Variants in OSBPL5 observed in about 807,000 individuals in gnomAD.
OSBPL5 encodes oxysterol-binding protein-related protein 5.
OSBPL5 carries 71 observed loss-of-function variants against 111.2 expected under a neutral mutation model. That is an observed-to-expected ratio of 0.64 (90% CI 0.53 to 0.78). OSBPL5 has a LOEUF of 0.78. Among genes scored for constraint, OSBPL5 ranks in the 30% least tolerant of loss-of-function variants. The probability of loss-of-function intolerance (pLI) is 0.00; values close to 1 mark genes in which losing one functional copy is unlikely to be tolerated. For missense variants in OSBPL5, 1,210 were observed against 1,189.3 expected (o/e 1.02, Z -0.26); for synonymous variants, 549 against 513.9 (o/e 1.07, Z -0.93).
In OSBPL5 at chr11:3,153,046, C is replaced by T. The variant is rs543253540; in HGVS notation, c.-22+12170G>A. On this transcript the variant is annotated intron_variant, in intron 1 of 21. Transcript: ENST00000263650. Reference sequence around the variant, plus strand: ...AGGAGGAGTCTGGGGCCATTGAGTACAGGGAGAAACAGCCCACAGAGTGCA... The same window carrying T: ...AGGAGGAGTCTGGGGCCATTGAGTATAGGGAGAAACAGCCCACAGAGTGCA... 1.4e-3 allele frequency among the ~76,000 whole-genome samples: 219 copies of T among 152,030 alleles called. 2 individuals carry two copies. Among genetic ancestry groups the T allele is most frequent in the Non-Finnish European group, 2.6e-3 (176 of 68,008 alleles).
chr11:3,091,712 G>A (rs901900718), intron 19 of OSBPL5, among the ~76,000 whole-genome samples: 6 of 152,172 alleles, frequency 3.9e-5, no homozygotes, highest in Admixed American at 6.5e-5. Context: ...GGCAGGCAGA[G>A]CATGGGACAT....
At chr11:3,144,245 G>A (rs1486026031) in intron 1 of OSBPL5, among the ~76,000 whole-genome samples, 1 of 152,188 alleles carries the variant, frequency 6.6e-6, no homozygotes, top group African/African-American at 2.4e-5. Context: ...ACACTCTGGG[G>A]GATACAATGA....
rs1393877666 is a variant in OSBPL5 at position 3,109,631 on chromosome 11, G to T, written c.692-1686C>A. Among the ~76,000 whole-genome samples the T allele has an allele frequency of 6.6e-6, 1 of 152,072 alleles. No homozygotes were observed. The highest frequency in any genetic ancestry group is 1.5e-5 in the Non-Finnish European group (1 of 68,012). On this transcript the variant is annotated intron_variant, in intron 7 of 21. Coordinates refer to ENST00000263650, the MANE Select transcript of OSBPL5 (RefSeq NM_020896.4). The surrounding 1 kb of genome is among the most constrained non-coding windows in gnomAD (Gnocchi z 7.4). ...CTAGAGCTGCCCTTCTCATTGGGTT[G>T]GGGGGATATCTGGGATCCTGCTGGT...
At chr11:3,138,071 G>A (rs949047655) in intron 1 of OSBPL5, among the ~76,000 whole-genome samples, 7 of 152,346 alleles carry the variant, frequency 4.6e-5, no homozygotes, top group Admixed American at 2.0e-4. Flanking sequence ...CCATGCCTGC[G>A]TGTTCTCCGG....
intron 3 of OSBPL5, among the ~76,000 whole-genome samples, chr11:3,125,654 A>C (rs1369337274): frequency 5.9e-5 from 9 of 152,264 alleles, no homozygotes; most frequent in South Asian, 2.1e-4. Context: ...AATACAAAAA[A>C]ATTGGCCGGG....
chr11:3,102,240 GA>G lies in OSBPL5; in HGVS notation c.1367del (p.Phe456SerfsTer17). On this transcript the variant is annotated frameshift_variant, in exon 12 of 22. Transcript: ENST00000263650. LOFTEE classifies it high-confidence loss of function. Reference protein sequence around the residue: ...KPYNPILGETFRCCWFHPQTD... With the variant: ...KPYNPILGETXRCCWFHPQTD... ...TCTGCGGGTGGAACCAGCAGCAGCG[GA>G]AGGTCTCCCCCAGGATGGGGTTGTA... The G allele has an allele frequency of 6.2e-7, 1 of 1,609,082 alleles. No individual in the cohort carries two copies. Among genetic ancestry groups the G allele is most frequent in the Non-Finnish European group, 8.5e-7 (1 of 1,178,192 alleles).
rs1434599550 is a variant in OSBPL5 at position 3,106,929 on chromosome 11, G to A, written c.1059+334C>T. 6.6e-6 allele frequency among the ~76,000 whole-genome samples: 1 copy of A among 152,168 alleles called. No individual in the cohort carries two copies. Among genetic ancestry groups the A allele is most frequent in the Non-Finnish European group, 1.5e-5 (1 of 68,022 alleles). On this transcript the variant is annotated intron_variant, in intron 9 of 21. Coordinates refer to ENST00000263650, the MANE Select transcript of OSBPL5 (RefSeq NM_020896.4). This position sits in a 1 kb window ranked among gnomAD's most constrained non-coding sequence, Gnocchi z 8.4. Reference sequence around the variant, plus strand: ...CTCCTCCAGGAAGTGGGGCCGCCCAGCAGATGGGGTCAAGGGCCCCTCTTG... The same window carrying A: ...CTCCTCCAGGAAGTGGGGCCGCCCAACAGATGGGGTCAAGGGCCCCTCTTG...
rs141820266 is a variant in OSBPL5, at chr11:3,121,641, T to C, written c.402+356A>G. 9.1e-4 allele frequency among the ~76,000 whole-genome samples: 138 copies of C among 152,300 alleles called. No individual in the cohort carries two copies. The highest frequency in any genetic ancestry group is 1.3e-3 in the Non-Finnish European group (89 of 68,036). On this transcript the variant is annotated intron_variant, in intron 5 of 21. Coordinates refer to ENST00000263650, the MANE Select transcript of OSBPL5 (RefSeq NM_020896.4). This position sits in a 1 kb window ranked among gnomAD's most constrained non-coding sequence, Gnocchi z 4.3. ...GGTCTGAACACAGGACACCCGGCCC[T>C]GATGTGGGGTCCTCTCCCAGAAGCC...
rs1846358562 is a variant in OSBPL5 at position 3,146,646 on chromosome 11, G to A, written c.-21-17477C>T. ...CCTTCTGCAGAGCTGCTAAGCCGCT[G>A]GGCACACAGCTGTGCCTGAGTGCAG... On this transcript the variant is annotated intron_variant, in intron 1 of 21. Transcript: ENST00000263650. This position sits in a 1 kb window ranked among gnomAD's most constrained non-coding sequence, Gnocchi z 7.8. 1 of 152,206 alleles carries A rather than the reference G, an allele frequency of 6.6e-6. No individual in the cohort carries two copies. The highest frequency in any genetic ancestry group is 2.4e-5 in the African/African-American group (1 of 41,426). The allele number at this position is 152,206 out of a possible 1,614,324, so 9.4% of individuals were successfully genotyped here. A position where few individuals can be genotyped will look rare whatever the true frequency, so the allele number is the denominator to read the frequency against.
intron 10 of OSBPL5, among the ~76,000 whole-genome samples, 174 bp from the exon 11 acceptor site, chr11:3,103,494 G>A (rs1226491070): frequency 2.6e-5 from 4 of 152,220 alleles, no homozygotes; most frequent in African/African-American, 9.6e-5. Context: ...GGGGAAGTGG[G>A]TTCTTCTAAT....
chr11:3,103,377 C>T (rs1398803125), intron 10 of OSBPL5, 57 bp from the exon 11 acceptor site: 1 of 1,482,196 alleles, frequency 6.7e-7, no homozygotes, highest in Non-Finnish European at 9.2e-7. Context: ...GCCACCCTCC[C>T]TTTCCCTGAC....
Position 3,119,568 on chromosome 11 carries a change from TG to T in OSBPL5, c.669del (p.Phe223LeufsTer26). ...TQPLPSSYLI[F>X]RAASESDGRC... ...TCACCATCTGACTCGGAGGCGGCCC[TG>T]AAGATCAGGTAGCTGCTGGGCAGGG... is the stretch of plus-strand genomic sequence containing the variant. On this transcript the variant is annotated frameshift_variant, in exon 7 of 22. Coordinates refer to ENST00000263650, the MANE Select transcript of OSBPL5 (RefSeq NM_020896.4). LOFTEE classifies it high-confidence loss of function. 6.3e-7 allele frequency: 1 copy of T among 1,579,434 alleles called. No individual in the cohort carries two copies. The highest frequency in any genetic ancestry group is 1.2e-5 in the South Asian group (1 of 86,670).
intron 14 of OSBPL5, among the ~76,000 whole-genome samples, chr11:3,099,780 T>A (rs894443084): frequency 6.6e-6 from 1 of 152,012 alleles, no homozygotes; most frequent in East Asian, 1.9e-4. Flanking sequence ...TCAAAAGTCA[T>A]GGGCGAGGCT....
Position 3,119,520 on chromosome 11 carries a change from G to A in OSBPL5, c.691+27C>T, listed in dbSNP as rs746934121. On this transcript the variant is annotated intron_variant, in intron 7 of 21. Coordinates refer to ENST00000263650, the MANE Select transcript of OSBPL5 (RefSeq NM_020896.4). ...GCCCACTTCAGGTGGGGGCACTGGGGAGATGCGCAAGCTGGCAGGGACTCA... is the reference window on the plus strand; with the variant it reads ...GCCCACTTCAGGTGGGGGCACTGGGAAGATGCGCAAGCTGGCAGGGACTCA... 2.6e-5 allele frequency: 40 copies of A among 1,560,702 alleles called. No individual in the cohort carries two copies. The South Asian group carries it at 4.8e-4, about 19-fold the overall frequency.
chr11:3,107,859 C>G lies in OSBPL5; in HGVS notation c.778G>C (p.Glu260Gln). 1.2e-6 allele frequency: 2 copies of G among 1,610,210 alleles called. No homozygotes were observed. Among genetic ancestry groups the G allele is most frequent in the Non-Finnish European group, 1.7e-6 (2 of 1,179,948 alleles). ...LGTCKPGRDG[E>Q]PGTSPDASPS... ...GATGCGTCTGGCGAGGTCCCTGGCT[C>G]CCCGTCTCGGCCCGGCTTGCAGGTG... Residue 260 changes from glutamate (E) to glutamine (Q), a missense_variant, in exon 8 of 22, where the codon GAG (glutamate) becomes CAG (glutamine). By Grantham distance (29) the Glu-to-Gln change is conservative. Coordinates refer to ENST00000263650, the MANE Select transcript of OSBPL5 (RefSeq NM_020896.4). This position sits in a 1 kb window ranked among gnomAD's most constrained non-coding sequence, Gnocchi z 6.1.
At chr11:3,103,833 A>AGCCCCTTCCT (rs1857583286) in intron 10 of OSBPL5, among the ~76,000 whole-genome samples, 1 of 79,266 alleles carries the variant, frequency 1.3e-5, no homozygotes. Flanking sequence ...GCCCCCTTCC[A>AGCCCCTTCCT]GCCTCTGCAG....
rs1857722721 is a variant in OSBPL5 at position 3,107,091 on chromosome 11, G to T, written c.1059+172C>A. On this transcript the variant is annotated intron_variant, in intron 9 of 21. Coordinates refer to ENST00000263650, the MANE Select transcript of OSBPL5 (RefSeq NM_020896.4). This position sits in a 1 kb window ranked among gnomAD's most constrained non-coding sequence, Gnocchi z 6.1. Reference sequence around the variant, plus strand: ...GGGCAGCCTCTTTGGAAGACGGGAGGAGCCTGTTTACCTAAAAGACAGCTC... The same window carrying T: ...GGGCAGCCTCTTTGGAAGACGGGAGTAGCCTGTTTACCTAAAAGACAGCTC... Among the ~76,000 whole-genome samples the T allele has an allele frequency of 2.0e-5, 3 of 152,196 alleles. No individual in the cohort carries two copies. Among genetic ancestry groups the T allele is most frequent in the Admixed American group, 2.0e-4 (3 of 15,282 alleles).
intron 1 of OSBPL5, among the ~76,000 whole-genome samples, chr11:3,147,822 C>T (rs868000832): frequency 6.6e-6 from 1 of 152,178 alleles, no homozygotes; most frequent in African/African-American, 2.4e-5. Context: ...GGACCAGCCT[C>T]GGCAAGTGGG....
chr11:3,156,699 T>C (rs1366610872), intron 1 of OSBPL5, among the ~76,000 whole-genome samples: 1 of 152,234 alleles, frequency 6.6e-6, no homozygotes, highest in African/African-American at 2.4e-5. Context: ...CAATCATTCA[T>C]TATGCATAAG....
Sources: allele counts gnomAD v4.1 joint callset (sites outside exome capture counted in the v4.1 genomes callset), GRCh38; gene constraint gnomAD v4.1.1; non-coding constraint Gnocchi (gnomAD v3.1); transcripts MANE v1.5; gene names NCBI Gene and HGNC (gene_info 2026-07-23, HGNC 2026-07-21).